MYO5B: variants seen among roughly 807,000 people sequenced by gnomAD.
MYO5B encodes the protein myosin VB, also known as unconventional myosin-Vb.
MYO5B carries 143 observed loss-of-function variants against 229.3 expected under a neutral mutation model. The ratio of observed to expected loss-of-function variants is 0.62; its 90% CI spans 0.54 to 0.72. The LOEUF (loss-of-function observed/expected upper bound fraction) is 0.72. MYO5B is among the 30% of genes least tolerant of loss of function. MYO5B has a pLI of 0.00. For missense variants in MYO5B, 2,321 were observed against 2,331.0 expected, an observed-to-expected ratio of 1.00 and a Z score of 0.09; for synonymous variants, 918 against 885.2, an observed-to-expected ratio of 1.04 and a Z score of -0.66.
At chr18:50,070,018 C>A (rs948387982) in intron 1 of MYO5B, among the ~76,000 whole-genome samples, 1 of 110,070 alleles carries the variant, frequency 9.1e-6, no homozygotes, top group Non-Finnish European at 1.8e-5. Flanking sequence ...GCAATTTAGT[C>A]TTTTTTTTTT....
chr18:50,071,333 T>C (rs1598997809), intron 1 of MYO5B, among the ~76,000 whole-genome samples: 1 of 152,218 alleles, frequency 6.6e-6, no homozygotes, highest in African/African-American at 2.4e-5. Context: ...AATTCTACTA[T>C]ATTCACTTGT....
At chr18:50,107,595 T>C (rs1017933048) in intron 1 of MYO5B, among the ~76,000 whole-genome samples, 3 of 152,198 alleles carry the variant, frequency 2.0e-5, no homozygotes, top group Non-Finnish European at 4.4e-5. Flanking sequence ...AGGGACTGGC[T>C]CCAGCCACAC....
chr18:49,880,221 A>G (rs1347645560), intron 23 of MYO5B, 150 bp downstream of exon 23: 2 of 763,248 alleles, frequency 2.6e-6, no homozygotes, highest in Non-Finnish European at 4.7e-6. Flanking sequence ...GTGGGATCTT[A>G]AAGGTCATTA....
At chr18:50,194,695 C>A in intron 1 of MYO5B, 72 bp downstream of exon 1, 2 of 1,129,134 alleles carry the variant, frequency 1.8e-6, no homozygotes, top group Non-Finnish European at 1.2e-6. Context: ...AGGGAGAAGG[C>A]GACCCTGAGT....
rs1271348755 is a variant in MYO5B at position 50,050,618 on chromosome 18, T to C, written c.138+4650A>G. Among the ~76,000 whole-genome samples the C allele has an allele frequency of 2.0e-5, 3 of 152,328 alleles. No homozygotes were observed. The East Asian group carries it at 5.8e-4, about 29-fold the overall frequency. On this transcript the variant is annotated intron_variant, in intron 2 of 39. Transcript: ENST00000285039. ...ATCAACATTCAGTGCTGTCACAGCATGACCTGAAATGCTCAACGCCGCTCT... is the reference window on the plus strand; with the variant it reads ...ATCAACATTCAGTGCTGTCACAGCACGACCTGAAATGCTCAACGCCGCTCT...
chr18:49,878,670 G>T (rs751513080), intron 24 of MYO5B, among the ~76,000 whole-genome samples: 1 of 152,094 alleles, frequency 6.6e-6, no homozygotes, highest in African/African-American at 2.4e-5. Context: ...GAATGTTCCC[G>T]TAACAGGAAA....
In MYO5B at chr18:50,152,283, T is replaced by C. The variant is rs1436292977; in HGVS notation, c.27+42484A>G. 3.3e-5 allele frequency among the ~76,000 whole-genome samples: 5 copies of C among 152,194 alleles called. No homozygotes were observed. In the East Asian group the frequency reaches 9.6e-4, roughly 29 times the overall value. ...GCATAAGCTGCTTCACAGAATTTCA[T>C]AGGTTTCCTTAGGTGTTTAGGGGCT... On this transcript the variant is annotated intron_variant, in intron 1 of 39. Coordinates refer to ENST00000285039, the MANE Select transcript of MYO5B (RefSeq NM_001080467.3).
intron 4 of MYO5B, among the ~76,000 whole-genome samples, chr18:50,023,774 C>T (rs2026302108): frequency 6.6e-6 from 1 of 152,100 alleles, no homozygotes; most frequent in Non-Finnish European, 1.5e-5. Flanking sequence ...CGGCTGGTAT[C>T]TCTTCACCTC....
At chr18:50,029,416 T>C (rs1255757918) in intron 4 of MYO5B, among the ~76,000 whole-genome samples, 1 of 152,198 alleles carries the variant, frequency 6.6e-6, no homozygotes, top group Non-Finnish European at 1.5e-5. Context: ...TGTTCAGACA[T>C]TTTAAGCATC....
Position 49,826,050 on chromosome 18 carries a change from A to C in MYO5B, c.*421T>G, listed in dbSNP as rs2144010957. On this transcript the variant is annotated 3_prime_UTR_variant, in exon 40 of 40. Coordinates refer to ENST00000285039, the MANE Select transcript of MYO5B (RefSeq NM_001080467.3). ...AGTATATGCCATTATCATGGTTATT[A>C]GTACCATTATTTGTTAAAGCCCTTT... The C allele has an allele frequency of 4.5e-6, 1 of 221,424 alleles. No homozygotes were observed. The highest frequency in any genetic ancestry group is 1.1e-4 in the East Asian group (1 of 9,014). The allele number at this position is 221,424 out of a possible 1,614,324, so 13.7% of individuals were successfully genotyped here.
intron 1 of MYO5B, among the ~76,000 whole-genome samples, chr18:50,192,090 T>C (rs1490300847): frequency 1.4e-5 from 2 of 145,656 alleles, no homozygotes; most frequent in African/African-American, 2.5e-5. Flanking sequence ...AAAAAAAAAA[T>C]GTAGCTTGTT....
chr18:50,085,749 G>T (rs1339774312), intron 1 of MYO5B, among the ~76,000 whole-genome samples: 7 of 152,094 alleles, frequency 4.6e-5, no homozygotes, highest in Non-Finnish European at 1.0e-4. Flanking sequence ...AAAATGATGA[G>T]TTCATGTCCT....
chr18:50,011,382 A>G (rs1267718024), intron 4 of MYO5B, among the ~76,000 whole-genome samples: 1 of 152,146 alleles, frequency 6.6e-6, no homozygotes, highest in Non-Finnish European at 1.5e-5. Context: ...CTTTGTGATT[A>G]TAACTGCTAC....
rs191600193 is a variant in MYO5B at position 50,055,393 on chromosome 18, C to G, written c.28-15G>C. 1.5e-5 allele frequency: 24 copies of G among 1,600,296 alleles called. No individual in the cohort carries two copies. In the African/African-American group the frequency reaches 2.7e-4, roughly 18 times the overall value. ...ACCCTTGTGCACTGAAAGATTAAAACAGAAGAAACTTAGATACAGAACAAA... is the reference window on the plus strand; with the variant it reads ...ACCCTTGTGCACTGAAAGATTAAAAGAGAAGAAACTTAGATACAGAACAAA... On this transcript the variant is annotated splice_polypyrimidine_tract_variant and intron_variant, in intron 1 of 39. Coordinates refer to ENST00000285039, the MANE Select transcript of MYO5B (RefSeq NM_001080467.3).
At chr18:49,837,481 CTCTA>C in intron 37 of MYO5B, 32 bp downstream of exon 37, 4 of 1,612,810 alleles carry the variant, frequency 2.5e-6, no homozygotes, top group Non-Finnish European at 8.5e-7. Context: ...TGAGGGCCCA[CTCTA>C]TCTGTGTTGT....
chr18:49,829,358 A>G (rs964932671), intron 39 of MYO5B, among the ~76,000 whole-genome samples: 3 of 152,230 alleles, frequency 2.0e-5, no homozygotes, highest in Non-Finnish European at 4.4e-5. Flanking sequence ...GATAACCTAG[A>G]TGAAATGGAC....
chr18:49,916,845 A>G (rs970299753), intron 17 of MYO5B, among the ~76,000 whole-genome samples: 1 of 152,260 alleles, frequency 6.6e-6, no homozygotes, highest in Non-Finnish European at 1.5e-5. Context: ...ACAAACCCTC[A>G]GAGATAAAAC....
chr18:49,919,187 C>T (rs1404303796), intron 17 of MYO5B, among the ~76,000 whole-genome samples: 7 of 152,016 alleles, frequency 4.6e-5, no homozygotes, highest in Non-Finnish European at 2.9e-5. Context: ...TAAACTCACT[C>T]AAAATGGATC....
chr18:49,911,920 T>C, intron 18 of MYO5B, 142 bp downstream of exon 18: 1 of 749,752 alleles, frequency 1.3e-6, no homozygotes, highest in Non-Finnish European at 2.4e-6. Context: ...TAGTCACTGA[T>C]GTAGGAAAAT....
Sources: allele counts gnomAD v4.1 joint callset (sites outside exome capture counted in the v4.1 genomes callset), GRCh38; gene constraint gnomAD v4.1.1; transcripts MANE v1.5; gene names NCBI Gene and HGNC (gene_info 2026-07-23, HGNC 2026-07-21).